The following KANK1 variants were observed in gnomAD, a reference collection of about 807,000 sequenced individuals.
KANK1 encodes KN motif and ankyrin repeat domain-containing protein 1.
KANK1 carries 109 observed loss-of-function variants against 106.2 expected under a neutral mutation model. That is an observed-to-expected ratio of 1.03 (90% CI 0.88 to 1.20). KANK1 has a LOEUF of 1.20. Ranked by LOEUF, KANK1 falls within the 50% of genes most tolerant of loss-of-function variation. The probability of loss-of-function intolerance (pLI) is 0.00; values close to 1 mark genes in which losing one functional copy is unlikely to be tolerated. For missense variants in KANK1, 2,399 were observed against 1,710.7 expected (o/e 1.40, Z -7.10); for synonymous variants, 873 against 652.2 (o/e 1.34, Z -5.16).
At chr9:535,888 A>G (rs2060275782) in intron 1 of KANK1, among the ~76,000 whole-genome samples, 1 of 152,186 alleles carries the variant, frequency 6.6e-6, no homozygotes, top group African/African-American at 2.4e-5. Context: ...AACCTTTCCT[A>G]CCATGTTCCT....
chr9:608,025 A>ATTTTTTTTTTTTTT (rs200257324), intron 1 of KANK1, among the ~76,000 whole-genome samples: 7 of 78,160 alleles, frequency 9.0e-5, no homozygotes, highest in Non-Finnish European at 1.9e-4. Context: ...TATTATTATT[A>ATTTTTTTTTTTTTT]TTATTATTAT....
At chr9:741,036 C>A in intron 9 of KANK1, 102 bp downstream of exon 9, 1 of 1,349,472 alleles carries the variant, frequency 7.4e-7, no homozygotes, top group Non-Finnish European at 1.0e-6. Flanking sequence ...ACGCTTCCAC[C>A]ACAGTGCACT....
chr9:627,138 A>T (rs925201547), intron 1 of KANK1, among the ~76,000 whole-genome samples: 1 of 152,198 alleles, frequency 6.6e-6, no homozygotes, highest in Admixed American at 6.5e-5. Context: ...GAAATCTAGA[A>T]TCATGAAATG....
intron 1 of KANK1, among the ~76,000 whole-genome samples, chr9:647,275 A>AATT (rs58079949): frequency 0.42 from 63,071 of 150,346 alleles, 16,781 homozygotes; most frequent in African/African-American, 0.7. Context: ...TTAATTTTCT[A>AATT]ATTATGACTA....
chr9:627,086 T>G (rs954998521), intron 1 of KANK1, among the ~76,000 whole-genome samples: 1 of 152,164 alleles, frequency 6.6e-6, no homozygotes, highest in African/African-American at 2.4e-5. Context: ...CAACAGAGAA[T>G]GAACAGCACA....
At chr9:488,525 G>A (rs1587232234) in intron 3 of KANK1, among the ~76,000 whole-genome samples, 1 of 152,284 alleles carries the variant, frequency 6.6e-6, no homozygotes, top group African/African-American at 2.4e-5. Flanking sequence ...TTTATGAGTT[G>A]TTTGAACTCG....
chr9:582,836 G>A lies in KANK1; in HGVS notation c.-84+78082G>A, dbSNP rs1384092560. Reference sequence around the variant, plus strand: ...AGTGTGCTTTGCCCCTCACAAAAGCGTGGGTTCAGATGTACACTGTTACTA... The same window carrying A: ...AGTGTGCTTTGCCCCTCACAAAAGCATGGGTTCAGATGTACACTGTTACTA... On this transcript the variant is annotated intron_variant, in intron 1 of 11. Transcript: ENST00000382297. 3.3e-5 allele frequency among the ~76,000 whole-genome samples: 5 copies of A among 152,198 alleles called. No homozygotes were observed. The East Asian group carries it at 7.7e-4, about 23-fold the overall frequency.
chr9:616,185 C>G (rs143817679), intron 1 of KANK1, among the ~76,000 whole-genome samples: 84 of 152,288 alleles, frequency 5.5e-4, no homozygotes, highest in Non-Finnish European at 1.1e-3. Flanking sequence ...TAGGAACTGG[C>G]TTGGGTTACT....
At chr9:491,813 T>C (rs915247468) in intron 3 of KANK1, among the ~76,000 whole-genome samples, 2 of 151,584 alleles carry the variant, frequency 1.3e-5, no homozygotes, top group Non-Finnish European at 2.9e-5. Flanking sequence ...ATCACGGGAG[T>C]GGGTCTTTCC....
intron 1 of KANK1, among the ~76,000 whole-genome samples, chr9:633,414 C>T (rs1486305408): frequency 2.0e-5 from 3 of 152,056 alleles, no homozygotes; most frequent in Non-Finnish European, 4.4e-5. Flanking sequence ...GCCGTGATCG[C>T]GCCCCTGCAC....
At chr9:514,947 A>G (rs1338788915) in intron 1 of KANK1, among the ~76,000 whole-genome samples, 1 of 151,778 alleles carries the variant, frequency 6.6e-6, no homozygotes, top group Non-Finnish European at 1.5e-5. Context: ...TATTTTAGCT[A>G]ATCTGGTAAA....
chr9:723,384 T>C (rs895835448), intron 3 of KANK1, among the ~76,000 whole-genome samples: 59 of 152,300 alleles, frequency 3.9e-4, no homozygotes, highest in African/African-American at 1.4e-3. Context: ...TTGTTAGAAA[T>C]GTTCTGTATC....
At chr9:527,662 A>C (rs189725712) in intron 1 of KANK1, among the ~76,000 whole-genome samples, 2 of 150,028 alleles carry the variant, frequency 1.3e-5, no homozygotes, top group East Asian at 3.9e-4. Flanking sequence ...CAAGGGAGAT[A>C]GTCTCCTTGA....
intron 1 of KANK1, among the ~76,000 whole-genome samples, chr9:622,971 GA>G (rs903494486): frequency 2.0e-5 from 3 of 152,062 alleles, no homozygotes; most frequent in African/African-American, 7.2e-5. Context: ...AAACACAGGG[GA>G]AAAAAGCTTC....
rs1484716624 is a variant in KANK1 at position 677,019 on chromosome 9, T to G, written c.37+10T>G. Reference sequence around the variant, plus strand: ...AACGGCAGTGCCTCAGGTAACCCTGTGCTCTGGAGTTTGTGTGTTAAATGT... The same window carrying G: ...AACGGCAGTGCCTCAGGTAACCCTGGGCTCTGGAGTTTGTGTGTTAAATGT... On this transcript the variant is annotated intron_variant, in intron 2 of 11. Coordinates refer to ENST00000382297, the MANE Select transcript of KANK1 (RefSeq NM_015158.5). 6.2e-7 allele frequency: 1 copy of G among 1,612,528 alleles called. No homozygotes were observed. Among genetic ancestry groups the G allele is most frequent in the South Asian group, 1.1e-5 (1 of 90,902 alleles).
chr9:583,785 G>A (rs1208072342), intron 1 of KANK1, among the ~76,000 whole-genome samples: 1 of 151,462 alleles, frequency 6.6e-6, no homozygotes, highest in Non-Finnish European at 1.5e-5. Context: ...ATATGAAAAG[G>A]TATTCCAGAT....
intron 1 of KANK1, among the ~76,000 whole-genome samples, chr9:525,746 A>T (rs991905343): frequency 3.3e-5 from 5 of 151,446 alleles, no homozygotes; most frequent in African/African-American, 1.2e-4. Flanking sequence ...GCATGTGGTG[A>T]TGTTAGCCCT....
chr9:579,822 C>A (rs2135232532), intron 1 of KANK1, among the ~76,000 whole-genome samples: 1 of 152,284 alleles, frequency 6.6e-6, no homozygotes, highest in Admixed American at 6.5e-5. Flanking sequence ...AAGTAATCAT[C>A]TTTGGCTCTA....
At chr9:536,354 C>CA (rs894272001) in intron 1 of KANK1, among the ~76,000 whole-genome samples, 2 of 152,022 alleles carry the variant, frequency 1.3e-5, no homozygotes, top group African/African-American at 2.4e-5. Flanking sequence ...AAAAAATACA[C>CA]AAAAGCACAC....
Sources: allele counts gnomAD v4.1 joint callset (sites outside exome capture counted in the v4.1 genomes callset), GRCh38; gene constraint gnomAD v4.1.1; transcripts MANE v1.5; gene names NCBI Gene and HGNC (gene_info 2026-07-23, HGNC 2026-07-21).